UNC5D: variants seen among roughly 807,000 people sequenced by gnomAD.
The protein encoded by UNC5D is netrin receptor UNC5D.
UNC5D carries 39 observed loss-of-function variants against 105.4 expected under a neutral mutation model. That is an observed-to-expected ratio of 0.37 (90% CI 0.29 to 0.48). UNC5D has a LOEUF of 0.48. UNC5D is among the 20% of genes least tolerant of loss of function. UNC5D has a pLI of 0.98. For missense variants in UNC5D, 991 were observed against 1,202.4 expected, an observed-to-expected ratio of 0.82 and a Z score of 2.60; for synonymous variants, 452 against 450.4, an observed-to-expected ratio of 1.00 and a Z score of -0.04.
At chr8:35,458,569 G>A (rs150247152) in intron 1 of UNC5D, among the ~76,000 whole-genome samples, 97 of 152,266 alleles carry the variant, frequency 6.4e-4, no homozygotes, top group African/African-American at 2.3e-3. Context: ...AAACAAAGAA[G>A]CTGATTAAAA....
intron 3 of UNC5D, among the ~76,000 whole-genome samples, chr8:35,568,634 A>G (rs1177591709): frequency 2.0e-5 from 3 of 152,242 alleles, no homozygotes; most frequent in Admixed American, 2.0e-4. Flanking sequence ...GGTTGCAGGG[A>G]ACTGAGATCG....
intron 3 of UNC5D, among the ~76,000 whole-genome samples, chr8:35,588,142 T>C (rs540406761): frequency 4.6e-5 from 7 of 151,830 alleles, no homozygotes; most frequent in African/African-American, 1.7e-4. Flanking sequence ...CTTCTTCCCA[T>C]AGACCATGTG....
chr8:35,507,710 A>G (rs956434259), intron 1 of UNC5D, among the ~76,000 whole-genome samples: 7 of 152,136 alleles, frequency 4.6e-5, no homozygotes, highest in Non-Finnish European at 1.0e-4. Flanking sequence ...CACAATAGTA[A>G]CTATATAGTT....
chr8:35,782,175 G>T (rs1802531320), intron 16 of UNC5D, among the ~76,000 whole-genome samples: 1 of 152,160 alleles, frequency 6.6e-6, no homozygotes, highest in South Asian at 2.1e-4. Flanking sequence ...TGACTACCCA[G>T]TGAAATTCAA....
chr8:35,525,294 C>A, intron 1 of UNC5D: 1 of 1,612,192 alleles, frequency 6.2e-7, no homozygotes, highest in Non-Finnish European at 8.5e-7. Flanking sequence ...GCTCAGTGCA[C>A]TCCCCTCTTT....
intron 4 of UNC5D, among the ~76,000 whole-genome samples, chr8:35,680,231 T>G (rs1441461404): frequency 6.6e-6 from 1 of 152,182 alleles, no homozygotes; most frequent in East Asian, 1.9e-4. Flanking sequence ...TTCTCTGGTC[T>G]GCACTCTCAA....
intron 4 of UNC5D, among the ~76,000 whole-genome samples, chr8:35,622,414 T>A (rs1821417282): frequency 6.6e-6 from 1 of 152,110 alleles, no homozygotes; most frequent in Non-Finnish European, 1.5e-5. Context: ...TATAAGCATA[T>A]TGTTCAAGAG....
intron 16 of UNC5D, among the ~76,000 whole-genome samples, chr8:35,780,610 C>G (rs756255719): frequency 6.6e-6 from 1 of 152,178 alleles, no homozygotes; most frequent in African/African-American, 2.4e-5. Context: ...ATGATGAGTA[C>G]AAGATGCAGA....
intron 1 of UNC5D, among the ~76,000 whole-genome samples, chr8:35,389,141 C>A (rs949842676): frequency 2.6e-5 from 4 of 152,216 alleles, no homozygotes; most frequent in African/African-American, 9.6e-5. Flanking sequence ...ATGTGTATCA[C>A]AACCACTTGT....
intron 8 of UNC5D, among the ~76,000 whole-genome samples, chr8:35,713,921 G>A (rs1446072057): frequency 6.6e-6 from 1 of 152,224 alleles, no homozygotes; most frequent in Non-Finnish European, 1.5e-5. Context: ...AGAACGTGAA[G>A]TGTCTTGAGC....
intron 10 of UNC5D, among the ~76,000 whole-genome samples, chr8:35,730,669 T>A (rs1188304699): frequency 1.3e-5 from 2 of 152,144 alleles, no homozygotes; most frequent in Non-Finnish European, 2.9e-5. Context: ...TTGGAGCAGA[T>A]TAAGTGATGT....
At chr8:35,527,652 C>G (rs1475985464) in intron 1 of UNC5D, among the ~76,000 whole-genome samples, 3 of 152,110 alleles carry the variant, frequency 2.0e-5, no homozygotes, top group Non-Finnish European at 4.4e-5. Flanking sequence ...AAGCGATTCT[C>G]CTGTCTCAGC....
At chr8:35,593,984 C>A (rs1819337665) in intron 3 of UNC5D, among the ~76,000 whole-genome samples, 1 of 152,158 alleles carries the variant, frequency 6.6e-6, no homozygotes, top group African/African-American at 2.4e-5. Flanking sequence ...ATTCACAGAA[C>A]CTTCACAGTT....
intron 4 of UNC5D, among the ~76,000 whole-genome samples, chr8:35,615,043 C>CG (rs1422088179): frequency 7.7e-6 from 1 of 129,132 alleles, no homozygotes; most frequent in Non-Finnish European, 1.7e-5. Context: ...GGGGCCCCCC[C>CG]CCCCCCGTCC....
chr8:35,618,144 A>T (rs1821145082), intron 4 of UNC5D, among the ~76,000 whole-genome samples: 1 of 152,186 alleles, frequency 6.6e-6, no homozygotes, highest in African/African-American at 2.4e-5. Context: ...CAAAAAACAG[A>T]TCTGCATAAT....
Position 35,271,704 on chromosome 8 carries a change from C to T in UNC5D, c.103+35817C>T, listed in dbSNP as rs201153532. Reference sequence around the variant, plus strand: ...ATATGTATACATGTATACATGTATACATATATATTTATACATGTATACATG... The same window carrying T: ...ATATGTATACATGTATACATGTATATATATATATTTATACATGTATACATG... On this transcript the variant is annotated intron_variant, in intron 1 of 16. Coordinates refer to ENST00000404895, the MANE Select transcript of UNC5D (RefSeq NM_080872.4). Among the ~76,000 whole-genome samples the T allele has an allele frequency of 1.7e-3, 64 of 38,676 alleles. 1 individual carries two copies. Among genetic ancestry groups the T allele is most frequent in the Admixed American group, 5.0e-3 (17 of 3,378 alleles). The allele number at this position is 38,676 out of a possible 152,430, so 25.4% of individuals were successfully genotyped here. A position where few individuals can be genotyped will look rare whatever the true frequency, so the allele number is the denominator to read the frequency against.
At chr8:35,631,111 G>A (rs1822011336) in intron 4 of UNC5D, among the ~76,000 whole-genome samples, 2 of 152,130 alleles carry the variant, frequency 1.3e-5, no homozygotes, top group Non-Finnish European at 1.5e-5. Context: ...TCAGGAGTTC[G>A]AGACGAGCCT....
chr8:35,763,284 T>C (rs1029021263), intron 14 of UNC5D, among the ~76,000 whole-genome samples: 4 of 152,168 alleles, frequency 2.6e-5, no homozygotes, highest in Non-Finnish European at 5.9e-5. Flanking sequence ...GTTTTTGTTT[T>C]ATTGTTTTTT....
intron 4 of UNC5D, among the ~76,000 whole-genome samples, chr8:35,612,723 C>CTTTTTTTTTTTTTTTTTTTT (rs57450378): frequency 1.7e-4 from 11 of 64,744 alleles, no homozygotes; most frequent in East Asian, 5.6e-4. Context: ...AATGTTTTGC[C>CTTTTTTTTTTTTTTTTTTTT]TTTTTTTTTT....
Sources: allele counts gnomAD v4.1 joint callset (sites outside exome capture counted in the v4.1 genomes callset), GRCh38; gene constraint gnomAD v4.1.1; transcripts MANE v1.5; gene names NCBI Gene and HGNC (gene_info 2026-07-23, HGNC 2026-07-21).